KCTD1: variants seen among roughly 807,000 people sequenced by gnomAD.
The protein encoded by KCTD1 is BTB/POZ domain-containing protein KCTD1.
In KCTD1, 24 loss-of-function variants were observed where a neutral mutation model predicts 66.0. That is an observed-to-expected ratio of 0.36 (90% CI 0.26 to 0.51). The LOEUF is 0.51. KCTD1 is among the 20% of genes least tolerant of loss of function. The probability of loss-of-function intolerance (pLI) is 0.95; values close to 1 mark genes in which losing one functional copy is unlikely to be tolerated. For synonymous variants in KCTD1, 511 were observed against 517.2 expected (o/e 0.99, Z 0.16); for missense variants, 943 against 1,205.2 (o/e 0.78, Z 3.22).
At position 26,547,832 on chromosome 18, in the gene KCTD1, G is replaced by A; in HGVS notation, c.705C>T (p.Leu235=). Residue 235 remains leucine (L), a synonymous_variant, in exon 1 of 5, where the codon CTC becomes CTT. Coordinates refer to ENST00000580059, the MANE Select transcript of KCTD1 (RefSeq NM_001142730.3). ...ACGGGGGCTCATTGAGGTAGCGGTTGAGGGAGCTGCGGATGCTGATGAGCG... is the reference window on the plus strand; with the variant it reads ...ACGGGGGCTCATTGAGGTAGCGGTTAAGGGAGCTGCGGATGCTGATGAGCG... The part of the protein sequence containing the change: ...KSSLISIRSS[L]NRYLNEPPYC... 5 of 1,541,050 alleles carry A rather than the reference G, an allele frequency of 3.2e-6. No homozygotes were observed. The highest frequency in any genetic ancestry group is 4.4e-6 in the Non-Finnish European group (5 of 1,146,832).
Position 26,547,887 on chromosome 18 carries a change from G to C in KCTD1, c.650C>G (p.Ser217Cys). The C allele has an allele frequency of 1.3e-6, 2 of 1,543,416 alleles. No individual in the cohort carries two copies. The highest frequency in any genetic ancestry group is 1.7e-6 in the Non-Finnish European group (2 of 1,146,848). Residue 217 changes from serine to cysteine, a missense_variant, in exon 1 of 5, where the codon TCC (serine) becomes TGC (cysteine). Around this residue, in one of 10 missense-constraint regions of KCTD1, gnomAD observed 96 missense variants for 132.5 expected, o/e 0.72. Transcript: ENST00000580059. ...VLRSFYAEAR[S>C]KSGQLYSKSS... ...CTTGCTGTAGAGCTGGCCGCTTTTGGAGCGGGCCTCGGCATAGAAGGAGCG... is the reference window on the plus strand; with the variant it reads ...CTTGCTGTAGAGCTGGCCGCTTTTGCAGCGGGCCTCGGCATAGAAGGAGCG...
chr18:26,492,947 C>T lies in KCTD1; in HGVS notation c.1988+8125G>A, dbSNP rs190873513. 3.6e-4 allele frequency among the ~76,000 whole-genome samples: 55 copies of T among 152,294 alleles called. No individual in the cohort carries two copies. In the East Asian group the frequency reaches 0.01, roughly 28 times the overall value. ...TAACTTTATGATTTGAATAACGTTACTCAATTATTTTCCCTTCATTCTTTG... is the reference window on the plus strand; with the variant it reads ...TAACTTTATGATTTGAATAACGTTATTCAATTATTTTCCCTTCATTCTTTG... On this transcript the variant is annotated intron_variant, in intron 2 of 4. Transcript: ENST00000580059.
chr18:26,593,393 G>GGAGGAGGAAGAA (rs1986665951), intron 1 of KCTD1, among the ~76,000 whole-genome samples: 3 of 81,262 alleles, frequency 3.7e-5, no homozygotes, highest in Non-Finnish European at 7.5e-5. Context: ...AGGAAGAAGA[G>GGAGGAGGAAGAA]GAGGAGGAAG....
intron 1 of KCTD1, among the ~76,000 whole-genome samples, chr18:26,587,915 G>C (rs1986506227): frequency 6.6e-6 from 1 of 152,138 alleles, no homozygotes; most frequent in South Asian, 2.1e-4. Flanking sequence ...TCTACTCCTA[G>C]GGAAGATGCT....
intron 3 of KCTD1, among the ~76,000 whole-genome samples, chr18:26,462,352 G>A (rs1407110375): frequency 6.6e-6 from 1 of 152,222 alleles, no homozygotes; most frequent in Non-Finnish European, 1.5e-5. Flanking sequence ...CATGGGCCTA[G>A]CGCTGAACTG....
intron 1 of KCTD1, among the ~76,000 whole-genome samples, chr18:26,621,852 AC>A (rs1987393748): frequency 6.6e-6 from 1 of 152,176 alleles, no homozygotes; most frequent in Non-Finnish European, 1.5e-5. Context: ...GATGGTCCTC[AC>A]GTGCTTTCTG....
At chr18:26,478,016 C>T (rs191935673) in intron 2 of KCTD1, among the ~76,000 whole-genome samples, 1 of 152,200 alleles carries the variant, frequency 6.6e-6, no homozygotes, top group Non-Finnish European at 1.5e-5. Flanking sequence ...TTCTCACTGA[C>T]ACATCAATCA....
chr18:26,471,034 G>A (rs1367534597), intron 3 of KCTD1, among the ~76,000 whole-genome samples: 5 of 152,268 alleles, frequency 3.3e-5, no homozygotes, highest in East Asian at 3.9e-4. Flanking sequence ...TGAGACAGAA[G>A]AATGAATGGA....
intron 1 of KCTD1, among the ~76,000 whole-genome samples, chr18:26,558,344 A>G (rs1286431033): frequency 1.3e-5 from 2 of 152,246 alleles, no homozygotes; most frequent in African/African-American, 2.4e-5. Flanking sequence ...GAATGCTTGT[A>G]TGCTGTTGGT....
chr18:26,599,615 A>G (rs1456479221), intron 1 of KCTD1: 15 of 1,476,160 alleles, frequency 1.0e-5, no homozygotes, highest in Non-Finnish European at 1.4e-5. Flanking sequence ...AGTCCCGGGA[A>G]GCACCACTCT....
intron 1 of KCTD1, among the ~76,000 whole-genome samples, chr18:26,509,142 G>C (rs1203370674): frequency 7.2e-6 from 1 of 139,084 alleles, no homozygotes; most frequent in East Asian, 2.1e-4. Context: ...TAATCTTTCT[G>C]GTAATTTCAC....
chr18:26,504,150 G>GCCTCAAACTT (rs1982909820), intron 1 of KCTD1, among the ~76,000 whole-genome samples: 1 of 151,910 alleles, frequency 6.6e-6, no homozygotes, highest in Non-Finnish European at 1.5e-5. Context: ...GCTCACTGCA[G>GCCTCAAACTT]CCTCAAACTT....
rs180832482 is a variant in KCTD1 at position 26,528,659 on chromosome 18, C to T, written c.1809+18069G>A. The stretch of plus-strand genomic sequence containing the variant: ...GCTCCCTCAATTCTCGCCAATATGG[C>T]TTCTGCCCCATGCCCCACAAAACTG... On this transcript the variant is annotated intron_variant, in intron 1 of 4. Transcript: ENST00000580059. 6.1e-4 allele frequency among the ~76,000 whole-genome samples: 93 copies of T among 152,310 alleles called. 3 individuals carry two copies. The highest frequency in any genetic ancestry group is 6.0e-3 in the East Asian group (31 of 5,182).
At position 26,593,791 on chromosome 18, in the gene KCTD1, G is replaced by GGAGGAGGAGGAAGAT. The variant is rs762997735; in HGVS notation, c.-16+35355_-16+35356insATCTTCCTCCTCCTC. ...GGACAAGGAGGGAGGAGGAAGATAAGGAGGAGGAGGAAGACAAGGAGCAGG... is the reference window on the plus strand; with the variant it reads ...GGACAAGGAGGGAGGAGGAAGATAAGGAGGAGGAGGAAGATGAGGAGGAGGAAGACAAGGAGCAGG... On this transcript the variant is annotated intron_variant, in intron 1 of 4. Coordinates refer to the KCTD1 transcript ENST00000317932. Among the ~76,000 whole-genome samples the GGAGGAGGAGGAAGAT allele has an allele frequency of 2.2e-3, 205 of 94,558 alleles. 5 individuals carry two copies. Among genetic ancestry groups the GGAGGAGGAGGAAGAT allele is most frequent in the South Asian group, 3.8e-3 (11 of 2,894 alleles). 62.0% of individuals were successfully genotyped at this position (94,558 alleles called of 152,430 possible). A position where few individuals can be genotyped will look rare whatever the true frequency, so the allele number is the denominator to read the frequency against.
Position 26,455,791 on chromosome 18 carries a change from C to A in KCTD1, c.2550G>T (p.Thr850=), listed in dbSNP as rs200523398. 9 of 1,614,136 alleles carry A rather than the reference C, an allele frequency of 5.6e-6. No homozygotes were observed. The Admixed American group carries it at 1.2e-4, about 21-fold the overall frequency. ...TCCGGATGACGGAGGGTACACGGGG[C>A]GTCCGCCTCAGTTCCCGCCGAAGGA... The part of the protein sequence containing the change: ...EYVLRRELRR[T]PRVPSVIRIK... Residue 850 remains threonine (T), a synonymous_variant, in exon 5 of 5, where the codon ACG becomes ACT. Coordinates refer to ENST00000580059, the MANE Select transcript of KCTD1 (RefSeq NM_001142730.3).
At chr18:26,589,575 T>G (rs1986549419) in intron 1 of KCTD1, among the ~76,000 whole-genome samples, 1 of 152,184 alleles carries the variant, frequency 6.6e-6, no homozygotes, top group Non-Finnish European at 1.5e-5. Flanking sequence ...ATCACAACAA[T>G]GCTTTCAAAG....
intron 1 of KCTD1, among the ~76,000 whole-genome samples, chr18:26,656,383 C>G (rs1265505307): frequency 6.6e-6 from 1 of 152,142 alleles, no homozygotes; most frequent in Non-Finnish European, 1.5e-5. Flanking sequence ...GCCCTTTATC[C>G]GGGGAGGAGG....
intron 4 of KCTD1, chr18:26,456,328 G>A: frequency 6.5e-6 from 1 of 154,120 alleles, no homozygotes; most frequent in Non-Finnish European, 1.4e-5. Flanking sequence ...CATCCTATGA[G>A]ATGATAAAGA....
At chr18:26,656,744 A>AGCCCCGGGCGCCGCC (rs1360140353) in intron 1 of KCTD1, among the ~76,000 whole-genome samples, 3 of 150,870 alleles carry the variant, frequency 2.0e-5, no homozygotes, top group African/African-American at 7.3e-5. Context: ...GCAGGAGCGC[A>AGCCCCGGGCGCCGCC]GCCCCGGGCG....
Sources: allele counts gnomAD v4.1 joint callset (sites outside exome capture counted in the v4.1 genomes callset), GRCh38; gene constraint gnomAD v4.1.1; regional missense constraint gnomAD v4.1.1; transcripts MANE v1.5; gene names NCBI Gene and HGNC (gene_info 2026-07-23, HGNC 2026-07-21).